The following CHRNE variants were observed in gnomAD, a reference collection of about 807,000 sequenced individuals.
CHRNE encodes cholinergic receptor nicotinic epsilon subunit, also known as acetylcholine receptor subunit epsilon.
CHRNE carries 58 observed loss-of-function variants against 56.5 expected under a neutral mutation model. The observed-to-expected ratio is 1.03, with a 90% CI of 0.83 to 1.28. The LOEUF is 1.28. Among genes scored for constraint, CHRNE ranks in the 50% most tolerant of loss-of-function variants. CHRNE has a pLI of 0.00. For missense variants in CHRNE, 793 were observed against 688.9 expected (o/e 1.15, Z -1.69); for synonymous variants, 385 against 297.9 (o/e 1.29, Z -3.01).
chr17:4,901,047 C>T lies in CHRNE; in HGVS notation c.745G>A (p.Val249Met), dbSNP rs757421529. The T allele has an allele frequency of 6.2e-6, 10 of 1,613,852 alleles. No individual in the cohort carries two copies. The highest frequency in any genetic ancestry group is 1.1e-5 in the South Asian group (1 of 91,088). The change falls in exon 7 of 12, where the codon GTG (valine) becomes ATG (methionine). Residue 249 changes from valine to methionine, a missense_variant. Transcript: ENST00000649488. ...KPLFYVINII[V>M]PCVLISGLVL... ...AGGCCCGAGATGAGCACACAGGGCA[C>T]GATGATGTTAATGACGTAGAAGAGC...
upstream of CHRNE, among the ~76,000 whole-genome samples, chr17:4,907,650 C>T (rs577762219): frequency 2.0e-5 from 3 of 151,832 alleles, no homozygotes; most frequent in East Asian, 5.8e-4. Context: ...GGTCTGATTT[C>T]CATCCATTCT....
chr17:4,898,150 G>A lies in CHRNE; in HGVS notation c.*586C>T, dbSNP rs932878988. ...GGGGAAGAAAGGGGCAGGGTGGGCT[G>A]GGATCTGCAATGAGTGAGCCTCATG... On this transcript the variant is annotated 3_prime_UTR_variant, in exon 12 of 12. Transcript: ENST00000649488. The A allele has an allele frequency of 2.4e-5, 4 of 166,266 alleles. No individual in the cohort carries two copies. Among genetic ancestry groups the A allele is most frequent in the East Asian group, 1.7e-4 (1 of 5,908 alleles). 10.3% of individuals were successfully genotyped at this position (166,266 alleles called of 1,614,324 possible).
At chr17:4,904,181 C>CTTTT (rs931413877), upstream of CHRNE, among the ~76,000 whole-genome samples, 1 of 151,690 alleles carries the variant, frequency 6.6e-6, no homozygotes, top group African/African-American at 2.4e-5. Context: ...TTTTCTGTTT[C>CTTTT]TTTTTTTGTT....
Position 4,899,454 on chromosome 17 carries a change from C to G in CHRNE, c.1032+14G>C, listed in dbSNP as rs575066645. The G allele has an allele frequency of 2.0e-5, 32 of 1,572,578 alleles. No individual in the cohort carries two copies. The highest frequency in any genetic ancestry group is 3.6e-4 in the Middle Eastern group (2 of 5,486). ...CCACCCCGACCCGGGCTGCACCGCC[C>G]CCTCCGCGCTTACGTGGCGCAGCCG... On this transcript the variant is annotated intron_variant, in intron 9 of 11. Coordinates refer to ENST00000649488, the MANE Select transcript of CHRNE (RefSeq NM_000080.4).
intron 8 of CHRNE, chr17:4,900,207 T>C: frequency 6.5e-7 from 1 of 1,543,440 alleles, no homozygotes. Flanking sequence ...GACCTCTGCC[T>C]CCCCGCTAAC....
chr17:4,899,667 T>C, intron 8 of CHRNE, 85 bp from the exon 9 acceptor site: 1 of 1,445,136 alleles, frequency 6.9e-7, no homozygotes, highest in Non-Finnish European at 9.5e-7. Flanking sequence ...ACACGGCTTC[T>C]CCTGGTACGG....
chr17:4,907,516 C>T (rs923047855), upstream of CHRNE, among the ~76,000 whole-genome samples: 2 of 140,894 alleles, frequency 1.4e-5, no homozygotes, highest in South Asian at 2.2e-4. Flanking sequence ...TGCAGTGAGC[C>T]AAGATCACGC....
At position 4,897,811 on chromosome 17, in the gene CHRNE, C is replaced by T. The variant is rs1969715652; in HGVS notation, c.*925G>A. On this transcript the variant is annotated 3_prime_UTR_variant, in exon 12 of 12. Transcript: ENST00000649488. ...TTAATGATTCCCCTTCCCCCAAACT[C>T]CAGGGAATGGAGGGGGGACCCCGCC... 1 of 152,636 alleles carries T rather than the reference C, an allele frequency of 6.6e-6. No homozygotes were observed. The highest frequency in any genetic ancestry group is 1.5e-5 in the Non-Finnish European group (1 of 68,236). 9.5% of individuals were successfully genotyped at this position (152,636 alleles called of 1,614,324 possible). A position where few individuals can be genotyped will look rare whatever the true frequency, so the allele number is the denominator to read the frequency against.
chr17:4,900,647 A>ACT, intron 8 of CHRNE, 146 bp downstream of exon 8: 1 of 1,451,104 alleles, frequency 6.9e-7, no homozygotes, highest in Non-Finnish European at 9.4e-7. Context: ...CGGACCAGGG[A>ACT]CTCCATCCCC....
chr17:4,902,817 T>C lies in CHRNE; in HGVS notation c.47-54A>G. On this transcript the variant is annotated intron_variant, in intron 1 of 11. Coordinates refer to ENST00000649488, the MANE Select transcript of CHRNE (RefSeq NM_000080.4). This position sits in a 1 kb window ranked among gnomAD's most constrained non-coding sequence, Gnocchi z 4.0. Reference sequence around the variant, plus strand: ...TTGGCAATGAAGAGGCTGGAGCACCTCTCTCCCCTCTGCCTCCCCTGGGTC... The same window carrying C: ...TTGGCAATGAAGAGGCTGGAGCACCCCTCTCCCCTCTGCCTCCCCTGGGTC... 6.2e-7 allele frequency: 1 copy of C among 1,612,732 alleles called. No homozygotes were observed. Among genetic ancestry groups the C allele is most frequent in the South Asian group, 1.1e-5 (1 of 91,042 alleles).
At chr17:4,903,131 G>A, upstream of CHRNE, 2 of 1,519,014 alleles carry the variant, frequency 1.3e-6, no homozygotes, top group South Asian at 2.3e-5. Context: ...CAGGGTGCCT[G>A]TGTGAGGGGG....
intron 5 of CHRNE, 115 bp from the exon 6 acceptor site, chr17:4,901,740 C>T (rs1969992895): frequency 7.8e-6 from 10 of 1,279,884 alleles, no homozygotes; most frequent in South Asian, 4.9e-5. Flanking sequence ...CACCCCTTCA[C>T]CCAAGCCCAG....
Position 4,901,173 on chromosome 17 carries a change from T to C in CHRNE, c.619A>G (p.Ile207Val), listed in dbSNP as rs1422386099. 6 of 1,605,912 alleles carry C rather than the reference T, an allele frequency of 3.7e-6. No homozygotes were observed. Among genetic ancestry groups the C allele is most frequent in the Admixed American group, 1.7e-5 (1 of 59,988 alleles). ...CGGATCACCCCCGGGCAGAAGTCGATGGCCCACTCGCCGTTCTCTGCGGGA... is the reference window on the plus strand; with the variant it reads ...CGGATCACCCCCGGGCAGAAGTCGACGGCCCACTCGCCGTTCTCTGCGGGA... ...EAYTENGEWA[I>V]DFCPGVIRRH... is the part of the protein sequence containing the mutation. The change falls in exon 7 of 12, where the codon ATC (isoleucine) becomes GTC (valine). Residue 207 changes from isoleucine to valine, a missense_variant. Ile to Val is a conservative substitution (Grantham distance 29). Coordinates refer to ENST00000649488, the MANE Select transcript of CHRNE (RefSeq NM_000080.4).
chr17:4,903,108 G>C, upstream of CHRNE: 2 of 1,608,452 alleles, frequency 1.2e-6, no homozygotes, highest in African/African-American at 1.3e-5. Context: ...TGGCAGGCTT[G>C]GAGGGGGCAT....
intron 8 of CHRNE, 126 bp from the exon 9 acceptor site, chr17:4,899,708 C>T: frequency 6.6e-7 from 1 of 1,509,938 alleles, no homozygotes; most frequent in South Asian, 1.2e-5. Flanking sequence ...GCGCCCCCTA[C>T]ACGACGACAG....
At chr17:4,900,946 G>A in intron 7 of CHRNE, 39 bp from the exon 8 acceptor site, 2 of 1,614,030 alleles carry the variant, frequency 1.2e-6, no homozygotes. Flanking sequence ...CCGCCTCCCG[G>A]GAGCGAGCCC....
Position 4,900,891 on chromosome 17 carries a change from G to A in CHRNE, c.819C>T (p.Cys273=), listed in dbSNP as rs887770442. The stretch of plus-strand genomic sequence containing the variant: ...CGAGCAGGACGTTGATGGAGACCGT[G>A]CATTTCTGGCCGCCGGCTGGAGGGA... The part of the protein sequence containing the change: ...FLPAQAGGQK[C]TVSINVLLAQ... The change falls in exon 8 of 12, where the codon TGC becomes TGT. Residue 273 remains cysteine, a synonymous_variant. Coordinates refer to ENST00000649488, the MANE Select transcript of CHRNE (RefSeq NM_000080.4). 6 of 1,614,078 alleles carry A rather than the reference G, an allele frequency of 3.7e-6. No individual in the cohort carries two copies. The highest frequency in any genetic ancestry group is 5.1e-6 in the Non-Finnish European group (6 of 1,180,018).
rs558514175 is a variant in CHRNE at position 4,898,670 on chromosome 17, C to T, written c.*66G>A. 51 of 1,554,148 alleles carry T rather than the reference C, an allele frequency of 3.3e-5. No individual in the cohort carries two copies. In the South Asian group the frequency reaches 5.7e-4, roughly 17 times the overall value. ...GGAAGGGATCATAATGCCGTGGTGG[C>T]GGCAGCCTACTTTTTCAAAATCAAT... On this transcript the variant is annotated 3_prime_UTR_variant, in exon 12 of 12. Coordinates refer to ENST00000649488, the MANE Select transcript of CHRNE (RefSeq NM_000080.4).
At chr17:4,899,880 C>T in intron 8 of CHRNE, 4 of 1,548,998 alleles carry the variant, frequency 2.6e-6, no homozygotes, top group Non-Finnish European at 3.5e-6. Context: ...GGGTAGGTCT[C>T]CTGTTCGCCC....
Sources: allele counts gnomAD v4.1 joint callset (sites outside exome capture counted in the v4.1 genomes callset), GRCh38; gene constraint gnomAD v4.1.1; non-coding constraint Gnocchi (gnomAD v3.1); transcripts MANE v1.5; gene names NCBI Gene and HGNC (gene_info 2026-07-23, HGNC 2026-07-21).